Variants in SSBP2 observed in about 807,000 individuals in gnomAD.
SSBP2 encodes single stranded DNA binding protein 2.
Under a neutral mutation model 61.8 loss-of-function variants are expected in SSBP2, and 17 were observed. That is an observed-to-expected ratio of 0.28 (90% CI 0.19 to 0.41). The LOEUF is 0.41. SSBP2 is among the 10% of genes least tolerant of loss of function. The probability of loss-of-function intolerance (pLI) is 1.00; values close to 1 mark genes in which losing one functional copy is unlikely to be tolerated. For synonymous variants in SSBP2, 139 were observed against 141.3 expected, an observed-to-expected ratio of 0.98 and a Z score of 0.12; for missense variants, 310 against 458.7, an observed-to-expected ratio of 0.68 and a Z score of 2.96.
chr5:81,425,298 G>T (rs778565907), intron 16 of SSBP2, among the ~76,000 whole-genome samples: 4 of 152,026 alleles, frequency 2.6e-5, no homozygotes, highest in Non-Finnish European at 4.4e-5. Flanking sequence ...TTCTTAGAGA[G>T]AAATAAAGAA....
chr5:81,682,667 C>A (rs1752485604), intron 1 of SSBP2, among the ~76,000 whole-genome samples: 1 of 152,078 alleles, frequency 6.6e-6, no homozygotes, highest in Non-Finnish European at 1.5e-5. Context: ...GAAGTATCAC[C>A]TGACACAATA....
chr5:81,487,496 T>C (rs1211118093), intron 6 of SSBP2, among the ~76,000 whole-genome samples: 1 of 152,102 alleles, frequency 6.6e-6, no homozygotes, highest in Admixed American at 6.5e-5. Context: ...CCATTATAAT[T>C]GGATAAAATT....
At chr5:81,702,251 G>C (rs1432843381) in intron 1 of SSBP2, among the ~76,000 whole-genome samples, 1 of 152,050 alleles carries the variant, frequency 6.6e-6, no homozygotes, top group Non-Finnish European at 1.5e-5. Flanking sequence ...CACACCTGTA[G>C]TCCCAGCTAC....
At chr5:81,459,052 C>T (rs904572259) in intron 10 of SSBP2, among the ~76,000 whole-genome samples, 1 of 152,148 alleles carries the variant, frequency 6.6e-6, no homozygotes, top group Non-Finnish European at 1.5e-5. Context: ...CCATTACTTG[C>T]CTACATGTGT....
chr5:81,623,486 C>G (rs1477601817), intron 3 of SSBP2, among the ~76,000 whole-genome samples: 1 of 151,696 alleles, frequency 6.6e-6, no homozygotes, highest in Non-Finnish European at 1.5e-5. Context: ...CAGGCGCCCG[C>G]CACCGCGCCC....
At chr5:81,600,014 T>C (rs1490550764) in intron 4 of SSBP2, among the ~76,000 whole-genome samples, 2 of 152,244 alleles carry the variant, frequency 1.3e-5, no homozygotes, top group African/African-American at 4.8e-5. Flanking sequence ...TATTTCTGTC[T>C]CTTTGACACC....
chr5:81,562,737 T>G (rs1358253409), intron 4 of SSBP2, among the ~76,000 whole-genome samples: 1 of 152,160 alleles, frequency 6.6e-6, no homozygotes, highest in Non-Finnish European at 1.5e-5. Flanking sequence ...AAACCAGTAT[T>G]TCCATATATG....
intron 10 of SSBP2, among the ~76,000 whole-genome samples, chr5:81,459,076 C>T (rs948132261): frequency 6.6e-6 from 1 of 152,122 alleles, no homozygotes; most frequent in African/African-American, 2.4e-5. Context: ...AGTCAAATGC[C>T]CATTTCAGAC....
chr5:81,463,711 A>C (rs1304166819), intron 9 of SSBP2, among the ~76,000 whole-genome samples: 2 of 148,172 alleles, frequency 1.3e-5, no homozygotes, highest in Non-Finnish European at 1.5e-5. Context: ...AAGGAGGTTG[A>C]TTTTGATGAA....
chr5:81,610,709 C>A (rs1355918862), intron 4 of SSBP2, among the ~76,000 whole-genome samples: 2 of 152,044 alleles, frequency 1.3e-5, no homozygotes, highest in Non-Finnish European at 2.9e-5. Context: ...AATAGATAAC[C>A]TAGGCCAGGC....
At chr5:81,551,027 T>C (rs1580998270) in intron 4 of SSBP2, among the ~76,000 whole-genome samples, 1 of 137,000 alleles carries the variant, frequency 7.3e-6, no homozygotes, top group African/African-American at 2.9e-5. Context: ...ACCCGGGAGG[T>C]AGATCTTGCA....
At chr5:81,693,852 C>T (rs1753398063) in intron 1 of SSBP2, among the ~76,000 whole-genome samples, 2 of 152,148 alleles carry the variant, frequency 1.3e-5, no homozygotes, top group African/African-American at 4.8e-5. Context: ...GAAAGAAAAT[C>T]AGTATATTGA....
At chr5:81,451,598 TG>T (rs1165349391) in intron 10 of SSBP2, among the ~76,000 whole-genome samples, 1 of 152,160 alleles carries the variant, frequency 6.6e-6, no homozygotes, top group Non-Finnish European at 1.5e-5. Flanking sequence ...GGCTAATTTT[TG>T]TATTTTCAGT....
chr5:81,642,359 G>A (rs1027347328), intron 2 of SSBP2, among the ~76,000 whole-genome samples: 6 of 152,096 alleles, frequency 3.9e-5, no homozygotes, highest in Non-Finnish European at 5.9e-5. Context: ...ACTTCCTTCT[G>A]TCATTTGACC....
At chr5:81,562,781 G>A (rs1581031566) in intron 4 of SSBP2, among the ~76,000 whole-genome samples, 1 of 152,018 alleles carries the variant, frequency 6.6e-6, no homozygotes, top group Non-Finnish European at 1.5e-5. Flanking sequence ...AATTTTAAAG[G>A]TACCATATTT....
chr5:81,751,486 G>C (rs1376819890), upstream of SSBP2, among the ~76,000 whole-genome samples: 1 of 152,064 alleles, frequency 6.6e-6, no homozygotes, highest in African/African-American at 2.4e-5. Context: ...AGAAGGCGCC[G>C]GGAGGAGGAG....
intron 4 of SSBP2, among the ~76,000 whole-genome samples, chr5:81,612,376 A>G (rs1039671742): frequency 6.6e-6 from 1 of 152,128 alleles, no homozygotes; most frequent in Non-Finnish European, 1.5e-5. Context: ...GAACTAACTG[A>G]AAGGTGAAAT....
At chr5:81,528,994 A>G (rs1750825515) in intron 4 of SSBP2, among the ~76,000 whole-genome samples, 2 of 152,070 alleles carry the variant, frequency 1.3e-5, no homozygotes, top group Non-Finnish European at 2.9e-5. Context: ...TTTAATGGAC[A>G]CTTATAAAAC....
intron 4 of SSBP2, among the ~76,000 whole-genome samples, chr5:81,517,646 A>C (rs952781515): frequency 1.2e-4 from 18 of 151,822 alleles, no homozygotes; most frequent in African/African-American, 4.1e-4. Flanking sequence ...ATATCATTCT[A>C]CCCTCTAAGA....
Sources: allele counts gnomAD v4.1 joint callset (sites outside exome capture counted in the v4.1 genomes callset), GRCh38; gene constraint gnomAD v4.1.1; transcripts MANE v1.5; gene names NCBI Gene and HGNC (gene_info 2026-07-23, HGNC 2026-07-21).